ATP6V1A: variants seen among roughly 807,000 people sequenced by gnomAD.
The protein encoded by ATP6V1A is V-type proton ATPase catalytic subunit A.
Under a neutral mutation model 70.1 loss-of-function variants are expected in ATP6V1A, and 18 were observed. That is an observed-to-expected ratio of 0.26 (90% CI 0.18 to 0.38). ATP6V1A has a LOEUF of 0.38. Among genes scored for constraint, ATP6V1A ranks in the 10% least tolerant of loss-of-function variants. The pLI is 1.00. For synonymous variants in ATP6V1A, 232 were observed against 253.8 expected (o/e 0.91, Z 0.82); for missense variants, 424 against 772.4 (o/e 0.55, Z 5.35).
chr3:113,800,231 CAA>C (rs74642409), intron 12 of ATP6V1A, among the ~76,000 whole-genome samples: 30 of 82,652 alleles, frequency 3.6e-4, no homozygotes, highest in Admixed American at 2.8e-4. Flanking sequence ...GACTCCATCT[CAA>C]AAAAAAAAAA....
intron 3 of ATP6V1A, 46 bp from the exon 4 acceptor site, chr3:113,784,178 T>G (rs1023179728): frequency 2.0e-6 from 3 of 1,535,340 alleles, no homozygotes; most frequent in African/African-American, 2.7e-5. Flanking sequence ...CTGTTAATTG[T>G]GTCTTTAAAC....
intron 1 of ATP6V1A, among the ~76,000 whole-genome samples, chr3:113,760,184 T>A (rs1193065035): frequency 1.3e-5 from 2 of 152,224 alleles, no homozygotes; most frequent in Non-Finnish European, 2.9e-5. Context: ...TCCTCTGAAT[T>A]GAAAATGTCT....
intron 1 of ATP6V1A, among the ~76,000 whole-genome samples, chr3:113,764,385 CTG>C (rs1483188398): frequency 1.3e-5 from 2 of 152,178 alleles, no homozygotes; most frequent in East Asian, 3.9e-4. Context: ...GACACAAAGA[CTG>C]TGTAGCGCAT....
chr3:113,803,758 T>G, intron 13 of ATP6V1A, 81 bp downstream of exon 13: 1 of 1,058,512 alleles, frequency 9.4e-7, no homozygotes, highest in Non-Finnish European at 1.4e-6. Context: ...AAAACCCTTT[T>G]TTATTCTCAT....
intron 14 of ATP6V1A, among the ~76,000 whole-genome samples, chr3:113,807,303 C>A (rs911311737): frequency 6.6e-6 from 1 of 151,846 alleles, no homozygotes; most frequent in African/African-American, 2.4e-5. Flanking sequence ...GCCTCAGCCT[C>A]CCAAGTAGCT....
chr3:113,753,988 T>G (rs544112568), intron 1 of ATP6V1A, among the ~76,000 whole-genome samples: 2 of 152,264 alleles, frequency 1.3e-5, no homozygotes, highest in East Asian at 3.9e-4. Context: ...TAAAACCAGT[T>G]GAAAAACACC....
In ATP6V1A at chr3:113,810,253, G is replaced by C. The variant is rs535812371; in HGVS notation, c.*826G>C. ...AACGGGGTTTCACCATATTGGTCAG[G>C]CTGGTCTCGAACTCCAGACCTCAGG... On this transcript the variant is annotated 3_prime_UTR_variant, in exon 15 of 15. Transcript: ENST00000273398. The C allele has an allele frequency of 6.6e-6, 1 of 152,172 alleles. No homozygotes were observed. The highest frequency in any genetic ancestry group is 2.1e-4 in the South Asian group (1 of 4,810). 9.4% of individuals were successfully genotyped at this position (152,172 alleles called of 1,614,324 possible).
chr3:113,789,713 A>G lies in ATP6V1A; in HGVS notation c.880-19A>G, dbSNP rs765436992. 4.5e-6 allele frequency: 7 copies of G among 1,542,682 alleles called. No homozygotes were observed. Among genetic ancestry groups the G allele is most frequent in the Admixed American group, 3.4e-5 (2 of 58,956 alleles). The stretch of plus-strand genomic sequence containing the variant: ...TACCTTAGAAATTGGAGATTCACTA[A>G]TATATATTTTACCTCTAGCTCACAA... On this transcript the variant is annotated intron_variant, in intron 7 of 14. Coordinates refer to ENST00000273398, the MANE Select transcript of ATP6V1A (RefSeq NM_001690.4).
intron 1 of ATP6V1A, among the ~76,000 whole-genome samples, chr3:113,754,560 A>C (rs1386540729): frequency 1.3e-5 from 2 of 152,106 alleles, no homozygotes; most frequent in East Asian, 3.9e-4. Flanking sequence ...AAAAGAAAAG[A>C]AAAATGTACC....
At chr3:113,794,771 A>T (rs1709135839) in intron 8 of ATP6V1A, 101 bp from the exon 9 acceptor site, 2 of 1,360,518 alleles carry the variant, frequency 1.5e-6, no homozygotes, top group South Asian at 2.8e-5. Flanking sequence ...CTAGCAGTCT[A>T]CGTTGTGTAC....
intron 1 of ATP6V1A, among the ~76,000 whole-genome samples, chr3:113,762,951 T>G (rs1019367940): frequency 6.6e-6 from 1 of 152,218 alleles, no homozygotes; most frequent in East Asian, 1.9e-4. Flanking sequence ...CTTGAACATC[T>G]TTAAGGGCGT....
intron 1 of ATP6V1A, among the ~76,000 whole-genome samples, chr3:113,772,165 A>G (rs1708849066): frequency 6.6e-6 from 1 of 152,200 alleles, no homozygotes; most frequent in South Asian, 2.1e-4. Flanking sequence ...TTGTACCTCC[A>G]TTGTGTCCAT....
At chr3:113,763,173 G>A (rs560051761) in intron 1 of ATP6V1A, among the ~76,000 whole-genome samples, 22 of 152,022 alleles carry the variant, frequency 1.4e-4, no homozygotes, top group Admixed American at 2.6e-4. Flanking sequence ...GCTCACTGCA[G>A]CCTCCGCTTC....
chr3:113,760,523 TC>T (rs1362327984), intron 1 of ATP6V1A, among the ~76,000 whole-genome samples: 1 of 151,418 alleles, frequency 6.6e-6, no homozygotes, highest in Non-Finnish European at 1.5e-5. Flanking sequence ...AATCAAGAGA[TC>T]GAGACCATCC....
intron 1 of ATP6V1A, among the ~76,000 whole-genome samples, chr3:113,756,229 A>G (rs961690702): frequency 6.6e-6 from 1 of 152,216 alleles, no homozygotes; most frequent in Non-Finnish European, 1.5e-5. Flanking sequence ...ACCGCTAAAC[A>G]TGTAGCCTGT....
At chr3:113,777,571 A>C (rs2603793) in intron 1 of ATP6V1A, among the ~76,000 whole-genome samples, 53,980 of 151,930 alleles carry the variant, frequency 0.36, 9,722 homozygotes, top group African/African-American at 0.38. Flanking sequence ...GCCTAGGCAA[A>C]ATACTGAGAT....
At chr3:113,789,652 TAA>T in intron 7 of ATP6V1A, 78 bp from the exon 8 acceptor site, 19 of 936,828 alleles carry the variant, frequency 2.0e-5, no homozygotes, top group South Asian at 6.7e-5. Flanking sequence ...GGCAAAAGTT[TAA>T]AAAAAAAAAG....
chr3:113,805,438 T>C lies in ATP6V1A; in HGVS notation c.1674T>C (p.Thr558=), dbSNP rs1214889007. ...YDMARRAVET[T]AQSDNKITWS... is the part of the protein sequence containing the mutation. The stretch of plus-strand genomic sequence containing the variant: ...TGGCTCGTAGAGCTGTTGAAACCAC[T>C]GCCCAGAGTGACAATAAAATCACAT... Residue 558 remains threonine (T), a synonymous_variant, in exon 14 of 15, where the codon ACT becomes ACC. Transcript: ENST00000273398. The C allele has an allele frequency of 6.2e-7, 1 of 1,613,740 alleles. No individual in the cohort carries two copies. The highest frequency in any genetic ancestry group is 1.3e-5 in the African/African-American group (1 of 74,932).
At chr3:113,771,496 G>A (rs1316427870) in intron 1 of ATP6V1A, among the ~76,000 whole-genome samples, 1 of 138,718 alleles carries the variant, frequency 7.2e-6, no homozygotes, top group Non-Finnish European at 1.5e-5. Flanking sequence ...GGTGTGCAGT[G>A]ACGTGATCAC....
Sources: gnomAD v4.1 joint callset for allele counts (sites outside exome capture counted in the v4.1 genomes callset) on GRCh38, gnomAD v4.1.1 for gene constraint, MANE v1.5 for transcripts, NCBI Gene and HGNC (gene_info 2026-07-23, HGNC 2026-07-21) for gene names.